Variants in OCA2 observed in about 807,000 individuals in gnomAD.
OCA2 encodes OCA2 melanosomal transmembrane protein.
Under a neutral mutation model 100.2 loss-of-function variants are expected in OCA2, and 77 were observed. That is an observed-to-expected ratio of 0.77 (90% CI 0.64 to 0.93). The LOEUF is 0.93. OCA2 is among the 40% of genes least tolerant of loss of function. OCA2 has a pLI of 0.00. For synonymous variants in OCA2, 432 were observed against 439.2 expected, an observed-to-expected ratio of 0.98 and a Z score of 0.21; for missense variants, 1,062 against 1,089.1, an observed-to-expected ratio of 0.98 and a Z score of 0.35.
chr15:27,950,038 C>T (rs772097223), intron 18 of OCA2, among the ~76,000 whole-genome samples: 18 of 152,080 alleles, frequency 1.2e-4, no homozygotes, highest in East Asian at 3.9e-4. Context: ...GTAAAAAAAA[C>T]GTAGACTTGC....
intron 23 of OCA2, among the ~76,000 whole-genome samples, chr15:27,824,602 CTATA>C (rs142689690): frequency 2.1e-5 from 1 of 47,610 alleles, no homozygotes; most frequent in Non-Finnish European, 3.1e-5. Context: ...CTCTCTCTCT[CTATA>C]TATATATATA....
chr15:28,040,215 A>G (rs1036190110), intron 2 of OCA2, among the ~76,000 whole-genome samples: 1 of 152,200 alleles, frequency 6.6e-6, no homozygotes, highest in African/African-American at 2.4e-5. Context: ...TCTAGCCTCA[A>G]GAACAGTGAG....
chr15:27,866,019 G>A (rs1055066481), intron 21 of OCA2, among the ~76,000 whole-genome samples: 1 of 152,208 alleles, frequency 6.6e-6, no homozygotes, highest in African/African-American at 2.4e-5. Context: ...ACCAGTGGGA[G>A]AAAACTGTAG....
intron 23 of OCA2, among the ~76,000 whole-genome samples, chr15:27,773,016 A>G (rs2151053529): frequency 6.6e-6 from 1 of 152,230 alleles, no homozygotes; most frequent in Non-Finnish European, 1.5e-5. Flanking sequence ...ATTTTTGGCA[A>G]TTAGAACTAT....
At chr15:28,082,381 T>G (rs1260099842) in intron 1 of OCA2, among the ~76,000 whole-genome samples, 2 of 152,214 alleles carry the variant, frequency 1.3e-5, no homozygotes, top group African/African-American at 4.8e-5. Flanking sequence ...CTCTTTGGGT[T>G]TGTGCCACCT....
At chr15:28,056,485 C>T (rs1051277167) in intron 2 of OCA2, among the ~76,000 whole-genome samples, 25 of 152,244 alleles carry the variant, frequency 1.6e-4, no homozygotes, top group African/African-American at 5.5e-4. Flanking sequence ...ATGTAGGACC[C>T]TGCACTGGGA....
At chr15:27,815,273 C>T (rs906648811) in intron 23 of OCA2, among the ~76,000 whole-genome samples, 1 of 152,178 alleles carries the variant, frequency 6.6e-6, no homozygotes, top group African/African-American at 2.4e-5. Context: ...TCGTGTTGCA[C>T]AGTCAGGAAC....
At chr15:27,939,997 C>T (rs567465483) in intron 18 of OCA2, among the ~76,000 whole-genome samples, 147 of 152,284 alleles carry the variant, frequency 9.7e-4, no homozygotes, top group Non-Finnish European at 1.5e-3. Flanking sequence ...CCTGGAGAGG[C>T]GGGCCACAGA....
chr15:27,857,854 T>G (rs2035997883), intron 21 of OCA2, among the ~76,000 whole-genome samples: 1 of 152,206 alleles, frequency 6.6e-6, no homozygotes, highest in African/African-American at 2.4e-5. Context: ...GACTAAATAG[T>G]CTGTATGCTA....
chr15:27,960,365 A>T (rs556407390), intron 15 of OCA2, among the ~76,000 whole-genome samples: 1 of 152,212 alleles, frequency 6.6e-6, no homozygotes, highest in Non-Finnish European at 1.5e-5. Context: ...GGAAAGAGAT[A>T]TAAGATATAT....
At chr15:27,794,925 C>A (rs1278360775) in intron 23 of OCA2, among the ~76,000 whole-genome samples, 1 of 152,130 alleles carries the variant, frequency 6.6e-6, no homozygotes, top group Non-Finnish European at 1.5e-5. Flanking sequence ...GAATATGTAA[C>A]TACTAACAGA....
the OCA2 span, among the ~76,000 whole-genome samples, chr15:27,732,667 GT>G: frequency 6.6e-6 from 1 of 152,110 alleles, no homozygotes; most frequent in African/African-American, 2.4e-5. Context: ...TGTGACACTG[GT>G]TCCCAGCAGA....
In OCA2 at chr15:27,885,023, T is replaced by C. The variant is rs367878810; in HGVS notation, c.2080-13101A>G. ...TTACAGTGAATGAACTTTCTTTCAC[T>C]CTTTTACATTATGTCATTTCTCAGA... On this transcript the variant is annotated intron_variant, in intron 19 of 23. Coordinates refer to ENST00000354638, the MANE Select transcript of OCA2 (RefSeq NM_000275.3). Among the ~76,000 whole-genome samples, 17 of 152,350 alleles carry C rather than the reference T, an allele frequency of 1.1e-4. No homozygotes were observed. The East Asian group carries it at 1.7e-3, about 16-fold the overall frequency.
intron 3 of OCA2, among the ~76,000 whole-genome samples, chr15:28,029,280 A>G (rs548896594): frequency 6.6e-6 from 1 of 152,380 alleles, no homozygotes; most frequent in South Asian, 2.1e-4. Context: ...ACCAATGTGT[A>G]ACAAGATAAC....
rs921725693 is a variant in OCA2 at position 28,028,123 on chromosome 15, C to T, written c.327-64G>A. 2.5e-6 allele frequency: 4 copies of T among 1,575,554 alleles called. No individual in the cohort carries two copies. In the South Asian group the frequency reaches 3.3e-5, roughly 13 times the overall value. Reference sequence around the variant, plus strand: ...AGTAATGGCTACAAAGCAAGCTTTCCTCTGAGTTCTGACTGTGTGAAATGG... The same window carrying T: ...AGTAATGGCTACAAAGCAAGCTTTCTTCTGAGTTCTGACTGTGTGAAATGG... On this transcript the variant is annotated intron_variant, in intron 3 of 23. Transcript: ENST00000354638.
At chr15:28,049,814 G>A (rs564896929) in intron 2 of OCA2, among the ~76,000 whole-genome samples, 60 of 152,288 alleles carry the variant, frequency 3.9e-4, no homozygotes, top group African/African-American at 1.4e-3. Context: ...AGGAAGGCAC[G>A]GAGAGTTATT....
intron 12 of OCA2, 22 bp from the exon 13 acceptor site, chr15:27,985,210 G>A (rs377070187): frequency 1.2e-6 from 2 of 1,613,376 alleles, no homozygotes; most frequent in Non-Finnish European, 8.5e-7. Context: ...CACACAGAGA[G>A]AGTACAAGCC....
chr15:27,820,162 T>C (rs147367355), intron 23 of OCA2, among the ~76,000 whole-genome samples: 18 of 152,306 alleles, frequency 1.2e-4, no homozygotes, highest in African/African-American at 4.1e-4. Flanking sequence ...AAGTAAATGA[T>C]TGGAGAAGCA....
At chr15:27,971,383 G>C (rs1208034030) in intron 14 of OCA2, among the ~76,000 whole-genome samples, 1 of 152,272 alleles carries the variant, frequency 6.6e-6, no homozygotes, top group South Asian at 2.1e-4. Flanking sequence ...TGCTCACCAT[G>C]GTGAGTCTCT....
Sources: allele counts gnomAD v4.1 joint callset (sites outside exome capture counted in the v4.1 genomes callset), GRCh38; gene constraint gnomAD v4.1.1; transcripts MANE v1.5; gene names NCBI Gene and HGNC (gene_info 2026-07-23, HGNC 2026-07-21).